The following XPR1 variants were observed in gnomAD, a reference collection of about 807,000 sequenced individuals.
The protein encoded by XPR1 is xenotropic and polytropic retrovirus receptor 1.
A neutral mutation model predicts 87.5 loss-of-function variants in XPR1; 28 were observed. The ratio of observed to expected loss-of-function variants is 0.32; its 90% CI spans 0.24 to 0.44. The LOEUF is 0.44. Ranked by LOEUF, XPR1 falls within the 20% of genes least tolerant of loss-of-function variation. The pLI is 1.00. For missense variants in XPR1, 559 were observed against 862.3 expected (o/e 0.65, Z 4.41); for synonymous variants, 300 against 306.1 (o/e 0.98, Z 0.21).
chr1:180,845,957 G>A (rs1422481306), intron 11 of XPR1, among the ~76,000 whole-genome samples: 5 of 152,110 alleles, frequency 3.3e-5, no homozygotes, highest in African/African-American at 1.2e-4. Flanking sequence ...TCCTTTTTTA[G>A]GTCTTAAGAA....
chr1:180,731,081 ATAAT>A (rs1320979948), intron 2 of XPR1, among the ~76,000 whole-genome samples: 2 of 152,190 alleles, frequency 1.3e-5, no homozygotes, highest in Admixed American at 1.3e-4. Flanking sequence ...GGTTATTCAG[ATAAT>A]TAAAGTGGTT....
intron 2 of XPR1, among the ~76,000 whole-genome samples, chr1:180,729,825 A>G (rs978606380): frequency 6.6e-6 from 1 of 152,080 alleles, no homozygotes; most frequent in Admixed American, 6.5e-5. Flanking sequence ...TAGTTTGCAA[A>G]TATTTTCTCC....
chr1:180,816,336 T>C (rs1249741511), intron 7 of XPR1, among the ~76,000 whole-genome samples: 1 of 152,158 alleles, frequency 6.6e-6, no homozygotes, highest in Non-Finnish European at 1.5e-5. Context: ...ATGCCGTTGA[T>C]CTGACAGGAG....
Position 180,884,062 on chromosome 1 carries a change from C to G in XPR1, c.2087C>G (p.Thr696Ser). 1 of 1,613,890 alleles carries G rather than the reference C, an allele frequency of 6.2e-7. No homozygotes were observed. The highest frequency in any genetic ancestry group is 8.5e-7 in the Non-Finnish European group (1 of 1,179,874). Reference sequence around the variant, plus strand: ...GAAGACACAGATGATGAAGCTAACACTTGAATTTTCTGAAGTCTAGCTTAA... The same window carrying G: ...GAAGACACAGATGATGAAGCTAACAGTTGAATTTTCTGAAGTCTAGCTTAA... ...LIEDTDDEAN[T>S] Residue 696 changes from threonine (T) to serine (S), a missense_variant, in exon 15 of 15, where the codon ACT becomes AGT. By Grantham distance (58) the Thr-to-Ser change is moderately conservative. Coordinates refer to ENST00000367590, the MANE Select transcript of XPR1 (RefSeq NM_004736.4).
intron 2 of XPR1, among the ~76,000 whole-genome samples, chr1:180,714,158 C>T (rs1305795993): frequency 1.3e-5 from 2 of 152,064 alleles, no homozygotes; most frequent in Non-Finnish European, 2.9e-5. Context: ...TCCTTATTAT[C>T]CTTTACATAG....
intron 1 of XPR1, among the ~76,000 whole-genome samples, chr1:180,677,863 G>T (rs1425722537): frequency 6.6e-6 from 1 of 152,184 alleles, no homozygotes; most frequent in Non-Finnish European, 1.5e-5. Context: ...CAATTTGGAG[G>T]TTAGAAGCAA....
chr1:180,747,768 A>G (rs1344520143), intron 2 of XPR1, among the ~76,000 whole-genome samples: 3 of 152,228 alleles, frequency 2.0e-5, no homozygotes, highest in African/African-American at 7.2e-5. Context: ...TTATAGCCAT[A>G]AAAGCGAAGC....
chr1:180,669,875 A>C (rs1416327731), intron 1 of XPR1, among the ~76,000 whole-genome samples: 1 of 152,178 alleles, frequency 6.6e-6, no homozygotes, highest in Admixed American at 6.5e-5. Flanking sequence ...TACCGTGATA[A>C]AAGTTATGTG....
chr1:180,883,126 C>CCTGGCT (rs35110365), intron 14 of XPR1, among the ~76,000 whole-genome samples: 1 of 87,218 alleles, frequency 1.1e-5, no homozygotes, highest in Non-Finnish European at 2.1e-5. Context: ...TCATACCTGG[C>CCTGGCT]TTTTTTTTTT....
At chr1:180,844,414 A>G (rs1421817242) in intron 11 of XPR1, among the ~76,000 whole-genome samples, 1 of 152,230 alleles carries the variant, frequency 6.6e-6, no homozygotes, top group Non-Finnish European at 1.5e-5. Flanking sequence ...CAGCAAAAAG[A>G]AAAGAAAGAG....
intron 6 of XPR1, among the ~76,000 whole-genome samples, chr1:180,810,834 T>C (rs1650185770): frequency 6.6e-6 from 1 of 151,642 alleles, no homozygotes; most frequent in African/African-American, 2.4e-5. Flanking sequence ...TATATGTGTG[T>C]ATATATATAG....
chr1:180,854,372 T>C (rs1442823227), intron 11 of XPR1, among the ~76,000 whole-genome samples: 1 of 152,244 alleles, frequency 6.6e-6, no homozygotes, highest in Non-Finnish European at 1.5e-5. Flanking sequence ...AATTTATGAA[T>C]ATTTATGAGG....
At chr1:180,839,723 G>A (rs4454505) in intron 11 of XPR1, among the ~76,000 whole-genome samples, 50,881 of 151,998 alleles carry the variant, frequency 0.33, 8,869 homozygotes, top group Non-Finnish European at 0.37. Flanking sequence ...GGGGTTGGAG[G>A]GGGGCTTATA....
At chr1:180,716,431 A>T (rs1189966987) in intron 2 of XPR1, among the ~76,000 whole-genome samples, 1 of 152,132 alleles carries the variant, frequency 6.6e-6, no homozygotes, top group Non-Finnish European at 1.5e-5. Flanking sequence ...TGATCTTGTC[A>T]AACTAACCTG....
chr1:180,650,060 A>C (rs1460923833), intron 1 of XPR1, among the ~76,000 whole-genome samples: 1 of 151,976 alleles, frequency 6.6e-6, no homozygotes, highest in Non-Finnish European at 1.5e-5. Context: ...TGTCTTCTAA[A>C]AATTTGTTAA....
intron 1 of XPR1, among the ~76,000 whole-genome samples, chr1:180,656,380 TATTC>T (rs1655474291): frequency 9.9e-6 from 1 of 101,504 alleles, no homozygotes; most frequent in Non-Finnish European, 1.8e-5. Context: ...TTATATATAA[TATTC>T]ATGTATTTAT....
Position 180,803,372 on chromosome 1 carries a change from G to T in XPR1, c.224-16G>T. ...TTTATCTTACTGATTTGACAGTTCC[G>T]TTCTATTTCTTATAGAGAAGCTCGC... is the stretch of plus-strand genomic sequence containing the variant. On this transcript the variant is annotated splice_polypyrimidine_tract_variant and intron_variant, in intron 3 of 14. Coordinates refer to ENST00000367590, the MANE Select transcript of XPR1 (RefSeq NM_004736.4). 6.2e-7 allele frequency: 1 copy of T among 1,610,208 alleles called. No individual in the cohort carries two copies. Among genetic ancestry groups the T allele is most frequent in the Non-Finnish European group, 8.5e-7 (1 of 1,178,094 alleles).
chr1:180,744,876 C>G (rs907138594), intron 2 of XPR1, among the ~76,000 whole-genome samples: 4 of 151,968 alleles, frequency 2.6e-5, no homozygotes, highest in African/African-American at 9.7e-5. Flanking sequence ...TGGTCTCGAT[C>G]TCCTGACCTC....
At chr1:180,851,084 CAT>C (rs1180971323) in intron 11 of XPR1, among the ~76,000 whole-genome samples, 5 of 151,790 alleles carry the variant, frequency 3.3e-5, no homozygotes, top group South Asian at 2.1e-4. Context: ...GGCAGAAACA[CAT>C]AGTTTATCTG....
Sources: allele counts gnomAD v4.1 joint callset (sites outside exome capture counted in the v4.1 genomes callset), GRCh38; gene constraint gnomAD v4.1.1; transcripts MANE v1.5; gene names NCBI Gene and HGNC (gene_info 2026-07-23, HGNC 2026-07-21).